Variants in SLC6A11 observed in about 807,000 individuals in gnomAD.
SLC6A11 encodes the protein solute carrier family 6 member 11, also known as sodium- and chloride-dependent GABA transporter 3.
A neutral mutation model predicts 74.8 loss-of-function variants in SLC6A11; 25 were observed. The ratio of observed to expected loss-of-function variants is 0.33; its 90% CI spans 0.24 to 0.47. The LOEUF (loss-of-function observed/expected upper bound fraction) is 0.47. Ranked by LOEUF, SLC6A11 falls within the 20% of genes least tolerant of loss-of-function variation. The pLI is 1.00. For synonymous variants in SLC6A11, 330 were observed against 330.2 expected (o/e 1.00, Z 0.01); for missense variants, 574 against 837.0 (o/e 0.69, Z 3.88).
At chr3:10,886,733 G>A (rs1160932875) in intron 6 of SLC6A11, among the ~76,000 whole-genome samples, 1 of 151,774 alleles carries the variant, frequency 6.6e-6, no homozygotes, top group Non-Finnish European at 1.5e-5. Flanking sequence ...CTTAAACCAG[G>A]GAGGTGGAGG....
At chr3:10,872,891 AC>A (rs2106602405) in intron 5 of SLC6A11, among the ~76,000 whole-genome samples, 1 of 152,340 alleles carries the variant, frequency 6.6e-6, no homozygotes, top group East Asian at 1.9e-4. Flanking sequence ...GCATCTGAGC[AC>A]ATTTGGAGGG....
At chr3:10,840,689 C>T (rs9855033) in intron 4 of SLC6A11, among the ~76,000 whole-genome samples, 49,892 of 152,036 alleles carry the variant, frequency 0.33, 8,455 homozygotes, top group South Asian at 0.52. Context: ...TGGCAGGTGA[C>T]GTTAGGGTTA....
intron 5 of SLC6A11, among the ~76,000 whole-genome samples, chr3:10,852,445 C>G (rs537976477): frequency 6.6e-5 from 10 of 152,228 alleles, no homozygotes; most frequent in Non-Finnish European, 1.2e-4. Context: ...CAGGGCTTCA[C>G]CTTTAGCGGG....
At chr3:10,916,956 A>G (rs1321098498) in intron 7 of SLC6A11, among the ~76,000 whole-genome samples, 2 of 152,232 alleles carry the variant, frequency 1.3e-5, no homozygotes, top group Non-Finnish European at 2.9e-5. Context: ...ACCAAGAACA[A>G]CATTAATGTA....
chr3:10,842,274 A>G (rs1441689200), intron 4 of SLC6A11, among the ~76,000 whole-genome samples: 1 of 152,172 alleles, frequency 6.6e-6, no homozygotes, highest in African/African-American at 2.4e-5. Flanking sequence ...TCACTCCTTC[A>G]TTACCAAGAA....
intron 6 of SLC6A11, among the ~76,000 whole-genome samples, chr3:10,908,104 C>T (rs1360106388): frequency 6.6e-6 from 1 of 152,128 alleles, no homozygotes; most frequent in African/African-American, 2.4e-5. Context: ...GCACTCCAGC[C>T]TTGGCAACAT....
intron 5 of SLC6A11, among the ~76,000 whole-genome samples, chr3:10,849,959 T>G (rs1694553046): frequency 6.6e-6 from 1 of 152,136 alleles, no homozygotes; most frequent in Non-Finnish European, 1.5e-5. Context: ...AAAGTTTTAA[T>G]GGAACACAGC....
At chr3:10,838,240 G>C (rs1048595394) in intron 4 of SLC6A11, among the ~76,000 whole-genome samples, 1 of 152,228 alleles carries the variant, frequency 6.6e-6, no homozygotes, top group Non-Finnish European at 1.5e-5. Flanking sequence ...CTTGTGCTGG[G>C]AGCCGGAAGC....
At chr3:10,894,742 C>T (rs191792463) in intron 6 of SLC6A11, among the ~76,000 whole-genome samples, 172 of 152,240 alleles carry the variant, frequency 1.1e-3, no homozygotes, top group Middle Eastern at 6.8e-3. Flanking sequence ...TAGGCAATAA[C>T]ATGCAATACA....
intron 4 of SLC6A11, among the ~76,000 whole-genome samples, chr3:10,834,127 C>T (rs548847500): frequency 6.6e-6 from 1 of 152,318 alleles, no homozygotes; most frequent in South Asian, 2.1e-4. Context: ...ATTCTGAGGG[C>T]ATGAGAGATT....
chr3:10,820,192 A>G (rs1175609793), intron 3 of SLC6A11, among the ~76,000 whole-genome samples: 3 of 152,194 alleles, frequency 2.0e-5, no homozygotes, highest in Non-Finnish European at 4.4e-5. Flanking sequence ...CTAGAGCTCC[A>G]ATACTAGTCT....
chr3:10,843,270 C>T (rs1415886566), intron 4 of SLC6A11, among the ~76,000 whole-genome samples: 1 of 152,174 alleles, frequency 6.6e-6, no homozygotes, highest in Non-Finnish European at 1.5e-5. Context: ...CCGGAGTCCT[C>T]CCTGTCCTGT....
At chr3:10,861,834 C>T (rs1694706347) in intron 5 of SLC6A11, among the ~76,000 whole-genome samples, 1 of 152,146 alleles carries the variant, frequency 6.6e-6, no homozygotes, top group African/African-American at 2.4e-5. Flanking sequence ...TTGAAAGGAG[C>T]ATGTTGCAAC....
At chr3:10,868,791 A>G (rs1362051943) in intron 5 of SLC6A11, among the ~76,000 whole-genome samples, 1 of 152,200 alleles carries the variant, frequency 6.6e-6, no homozygotes, top group African/African-American at 2.4e-5. Context: ...TTCCAGACAA[A>G]TTCTAGGGCC....
chr3:10,849,071 C>A (rs975789004), intron 5 of SLC6A11, among the ~76,000 whole-genome samples: 2 of 152,186 alleles, frequency 1.3e-5, no homozygotes, highest in African/African-American at 4.8e-5. Context: ...AGCAGTTTAT[C>A]TCCCCGTTCC....
At chr3:10,888,463 A>G (rs977360600) in intron 6 of SLC6A11, among the ~76,000 whole-genome samples, 2 of 152,174 alleles carry the variant, frequency 1.3e-5, no homozygotes, top group African/African-American at 2.4e-5. Context: ...GTTACAGCCT[A>G]TGGGCAGTTG....
intron 8 of SLC6A11, among the ~76,000 whole-genome samples, chr3:10,920,502 G>A (rs990057417): frequency 3.9e-5 from 6 of 152,150 alleles, no homozygotes; most frequent in Non-Finnish European, 8.8e-5. Context: ...ATTGAGTTGT[G>A]TGGTATTCCA....
Position 10,823,351 on chromosome 3 carries a change from G to T in SLC6A11, c.582G>T (p.Val194=), listed in dbSNP as rs1362764389. 6.2e-6 allele frequency: 10 copies of T among 1,613,984 alleles called. No individual in the cohort carries two copies. The highest frequency in any genetic ancestry group is 2.2e-5 in the East Asian group (1 of 44,876). Residue 194 remains valine (V), a synonymous_variant, in exon 4 of 14, where the codon GTG becomes GTT. Transcript: ENST00000254488. The part of the protein sequence containing the change: ...QKLNVSNYSH[V]SLQNATSPVM... ...TGAATGTGAGCAACTACAGCCATGT[G>T]TCTCTGCAGAATGCCACCTCCCCTG...
At chr3:10,936,588 C>A in intron 13 of SLC6A11, among the ~76,000 whole-genome samples, 1 of 152,198 alleles carries the variant, frequency 6.6e-6, no homozygotes, top group Non-Finnish European at 1.5e-5. Flanking sequence ...AAGGGGCCAG[C>A]CACAAAGGAA....
Sources: gnomAD v4.1 joint callset for allele counts (sites outside exome capture counted in the v4.1 genomes callset) on GRCh38, gnomAD v4.1.1 for gene constraint, MANE v1.5 for transcripts, NCBI Gene and HGNC (gene_info 2026-07-23, HGNC 2026-07-21) for gene names.